ESRRB: variants seen among roughly 807,000 people sequenced by gnomAD.
ESRRB encodes steroid hormone receptor ERR2.
Under a neutral mutation model 46.0 loss-of-function variants are expected in ESRRB, and 16 were observed. The ratio of observed to expected loss-of-function variants is 0.35; its 90% CI spans 0.24 to 0.53. The LOEUF (loss-of-function observed/expected upper bound fraction) is 0.53. Among genes scored for constraint, ESRRB ranks in the 20% least tolerant of loss-of-function variants. The pLI is 0.93. For missense variants in ESRRB, 488 were observed against 607.4 expected, an observed-to-expected ratio of 0.80 and a Z score of 2.07; for synonymous variants, 246 against 259.6, an observed-to-expected ratio of 0.95 and a Z score of 0.50.
chr14:76,410,707 A>C (rs1416563331), intron 1 of ESRRB, among the ~76,000 whole-genome samples: 1 of 152,110 alleles, frequency 6.6e-6, no homozygotes, highest in East Asian at 1.9e-4. Context: ...TCCCAGAAAG[A>C]GAGGGGGCTG....
intron 1 of ESRRB, among the ~76,000 whole-genome samples, chr14:76,403,677 G>A (rs1479436887): frequency 6.6e-6 from 1 of 152,128 alleles, no homozygotes; most frequent in African/African-American, 2.4e-5. Context: ...GTCCCTGAGA[G>A]TGCCAGAGAG....
chr14:76,320,814 C>T (rs912444257), intron 1 of ESRRB, among the ~76,000 whole-genome samples: 2 of 152,140 alleles, frequency 1.3e-5, no homozygotes, highest in Non-Finnish European at 2.9e-5. Context: ...TGAGCTGCCC[C>T]AAACAAAGCC....
upstream of ESRRB, among the ~76,000 whole-genome samples, chr14:76,372,872 T>G (rs1178647396): frequency 1.3e-5 from 2 of 152,158 alleles, no homozygotes; most frequent in Non-Finnish European, 2.9e-5. Flanking sequence ...CTTTTAAGAT[T>G]TAGGAATTGA....
intron 1 of ESRRB, among the ~76,000 whole-genome samples, chr14:76,320,866 A>C (rs987754958): frequency 6.6e-6 from 1 of 152,148 alleles, no homozygotes; most frequent in African/African-American, 2.4e-5. Context: ...CCTGAATGCC[A>C]GCCTTACTTC....
chr14:76,361,708 A>G (rs1004157707), intron 1 of ESRRB, among the ~76,000 whole-genome samples: 1 of 152,202 alleles, frequency 6.6e-6, no homozygotes, highest in Admixed American at 6.5e-5. Flanking sequence ...ACTCAAAACC[A>G]ACCCATGGGC....
At chr14:76,420,558 A>AGTGTGTGTGTGAGTGTGTGTGTGT (rs549231888) in intron 1 of ESRRB, among the ~76,000 whole-genome samples, 2 of 142,364 alleles carry the variant, frequency 1.4e-5, no homozygotes, top group African/African-American at 5.3e-5. Flanking sequence ...ACAGGGTGTG[A>AGTGTGTGTGTGAGTGTGTGTGTGT]GTGTGTGTGT....
Position 76,379,853 on chromosome 14 carries a change from T to C in ESRRB, c.50+3402T>C, listed in dbSNP as rs1884935511. On this transcript the variant is annotated intron_variant, in intron 1 of 6. Coordinates refer to ENST00000644823, the MANE Select transcript of ESRRB (RefSeq NM_001379180.1). ...TGATAATGAGGACATATGAAAAAGA[T>C]CTGTTCCAAAAAAAAAAAAAAAAAG... Among the ~76,000 whole-genome samples, 3 of 93,450 alleles carry C rather than the reference T, an allele frequency of 3.2e-5. No individual in the cohort carries two copies. In the South Asian group the frequency reaches 1.6e-3, roughly 50 times the overall value. 61.3% of individuals were successfully genotyped at this position (93,450 alleles called of 152,430 possible).
intron 1 of ESRRB, among the ~76,000 whole-genome samples, chr14:76,384,346 C>T (rs1262481849): frequency 1.3e-5 from 2 of 152,074 alleles, no homozygotes; most frequent in Non-Finnish European, 2.9e-5. Context: ...TCCCAAAAAG[C>T]GCAAAGCAAT....
intron 1 of ESRRB, among the ~76,000 whole-genome samples, chr14:76,382,229 T>C (rs1885043778): frequency 6.6e-6 from 1 of 152,222 alleles, no homozygotes; most frequent in Admixed American, 6.5e-5. Flanking sequence ...GTCTCTGCTA[T>C]TTAAACATGT....
chr14:76,425,611 T>G (rs1240803460), intron 1 of ESRRB, among the ~76,000 whole-genome samples: 1 of 152,172 alleles, frequency 6.6e-6, no homozygotes, highest in Non-Finnish European at 1.5e-5. Flanking sequence ...CCCTCTTTTC[T>G]TCAGGTATCT....
chr14:76,376,308 C>A lies in ESRRB; in HGVS notation c.-94C>A. On this transcript the variant is annotated 5_prime_UTR_variant, in exon 1 of 7. Transcript: ENST00000644823. The surrounding 1 kb of genome is among the most constrained non-coding windows in gnomAD (Gnocchi z 4.1). ...CGTTCTCGCGCTCACTGTGCCCTGCCCGGGCTCGCACCTTGCCCGTGCCCT... is the reference window on the plus strand; with the variant it reads ...CGTTCTCGCGCTCACTGTGCCCTGCACGGGCTCGCACCTTGCCCGTGCCCT... 1 of 1,009,774 alleles carries A rather than the reference C, an allele frequency of 9.9e-7. No individual in the cohort carries two copies. Among genetic ancestry groups the A allele is most frequent in the Non-Finnish European group, 1.3e-6 (1 of 785,534 alleles). The allele number at this position is 1,009,774 out of a possible 1,614,324, so 62.6% of individuals were successfully genotyped here.
Position 76,404,549 on chromosome 14 carries a change from G to GC in ESRRB, c.50+28102dup, listed in dbSNP as rs751281059. The GC allele has an allele frequency of 2.6e-5, 4 of 152,748 alleles. No homozygotes were observed. In the East Asian group the frequency reaches 7.7e-4, roughly 29 times the overall value. The allele number at this position is 152,748 out of a possible 1,614,324, so 9.5% of individuals were successfully genotyped here. A position where few individuals can be genotyped will look rare whatever the true frequency, so the allele number is the denominator to read the frequency against. ...TCCTAGAATTTACACCTTCAGCAGAGCCCCTTGGGAAATGGCAGTCAGCGT... is the reference window on the plus strand; with the variant it reads ...TCCTAGAATTTACACCTTCAGCAGAGCCCCCTTGGGAAATGGCAGTCAGCGT... On this transcript the variant is annotated intron_variant, in intron 1 of 6. Coordinates refer to ENST00000644823, the MANE Select transcript of ESRRB (RefSeq NM_001379180.1).
chr14:76,318,914 A>C (rs553981400), intron 1 of ESRRB, among the ~76,000 whole-genome samples: 56 of 152,328 alleles, frequency 3.7e-4, no homozygotes, highest in Non-Finnish European at 6.9e-4. Context: ...TAATGTGCAC[A>C]TGTGTGCACA....
At chr14:76,386,620 G>C (rs7147152) in intron 1 of ESRRB, among the ~76,000 whole-genome samples, 80,994 of 151,418 alleles carry the variant, frequency 0.53, 21,564 homozygotes, top group Admixed American at 0.58. Flanking sequence ...CCACACCTGG[G>C]TACTAATTAT....
intron 1 of ESRRB, among the ~76,000 whole-genome samples, chr14:76,358,629 A>G (rs547431025): frequency 2.0e-5 from 3 of 152,348 alleles, no homozygotes; most frequent in Non-Finnish European, 4.4e-5. Context: ...AAGAAAAAAT[A>G]AGAAAAAAGT....
At chr14:76,469,929 G>GTTTTT (rs769935944) in intron 3 of ESRRB, among the ~76,000 whole-genome samples, 134 of 78,700 alleles carry the variant, frequency 1.7e-3, no homozygotes, top group African/African-American at 3.7e-3. Flanking sequence ...GTTTTTTGTT[G>GTTTTT]TTTTTTTTTT....
chr14:76,322,340 C>T (rs756709915), intron 1 of ESRRB, among the ~76,000 whole-genome samples: 4 of 152,124 alleles, frequency 2.6e-5, no homozygotes, highest in Non-Finnish European at 4.4e-5. Context: ...GCTGAGGAGC[C>T]GGGAACCATG....
At position 76,398,257 on chromosome 14, in the gene ESRRB, T is replaced by G. The variant is rs140255612; in HGVS notation, c.50+21806T>G. On this transcript the variant is annotated intron_variant, in intron 1 of 6. Coordinates refer to ENST00000644823, the MANE Select transcript of ESRRB (RefSeq NM_001379180.1). ...TTTCCTCATATTCCAGATGAGGAAA[T>G]AGGAGCTCAGAGAGGTTGAGTAGCA... 3.5e-3 allele frequency among the ~76,000 whole-genome samples: 535 copies of G among 152,224 alleles called. 5 individuals are homozygous for G. The highest frequency in any genetic ancestry group is 0.012 in the African/African-American group (516 of 41,530).
chr14:76,332,555 ATATATATT>A (rs376515486), intron 1 of ESRRB, among the ~76,000 whole-genome samples: 2,727 of 26,636 alleles, frequency 0.1, 188 homozygotes, highest in African/African-American at 0.15. Context: ...TATTTATATA[ATATATATT>A]TATATATTTA....
Sources: allele counts gnomAD v4.1 joint callset (sites outside exome capture counted in the v4.1 genomes callset), GRCh38; gene constraint gnomAD v4.1.1; non-coding constraint Gnocchi (gnomAD v3.1); transcripts MANE v1.5; gene names NCBI Gene and HGNC (gene_info 2026-07-23, HGNC 2026-07-21).